The following CNTNAP2 variants were observed in gnomAD, a reference collection of about 807,000 sequenced individuals.
The protein encoded by CNTNAP2 is contactin associated protein 2.
CNTNAP2 carries 98 observed loss-of-function variants against 155.2 expected under a neutral mutation model. The observed-to-expected ratio is 0.63, with a 90% confidence interval of 0.54 to 0.75. The LOEUF is 0.75. Among genes scored for constraint, CNTNAP2 ranks in the 30% least tolerant of loss-of-function variants. The pLI is 0.00. For missense variants in CNTNAP2, 1,727 were observed against 1,688.1 expected (o/e 1.02, Z -0.40); for synonymous variants, 651 against 631.2 (o/e 1.03, Z -0.47).
chr7:147,246,330 A>G (rs1804067781), intron 8 of CNTNAP2, among the ~76,000 whole-genome samples: 1 of 151,424 alleles, frequency 6.6e-6, no homozygotes, highest in South Asian at 2.1e-4. Flanking sequence ...GATTGGATGA[A>G]CTCTCCTCCC....
chr7:147,291,301 C>T (rs1203626825), intron 8 of CNTNAP2, among the ~76,000 whole-genome samples: 1 of 152,094 alleles, frequency 6.6e-6, no homozygotes, highest in African/African-American at 2.4e-5. Context: ...GGTATTTGTC[C>T]TAATGCTCTC....
At chr7:146,633,525 T>C (rs1481188217) in intron 1 of CNTNAP2, among the ~76,000 whole-genome samples, 6 of 152,130 alleles carry the variant, frequency 3.9e-5, no homozygotes, top group Non-Finnish European at 5.9e-5. Flanking sequence ...CATGACATCA[T>C]TTCATAATAA....
intron 10 of CNTNAP2, among the ~76,000 whole-genome samples, chr7:147,479,071 T>A (rs1473129500): frequency 6.6e-6 from 1 of 152,170 alleles, no homozygotes; most frequent in Non-Finnish European, 1.5e-5. Flanking sequence ...TGTGCAGACT[T>A]TCTTCTCTAG....
Position 146,556,958 on chromosome 7 carries a change from T to C in CNTNAP2, c.98-217313T>C, listed in dbSNP as rs184725078. Among the ~76,000 whole-genome samples, 362 of 152,242 alleles carry C rather than the reference T, an allele frequency of 2.4e-3. 2 individuals carry two copies. Among genetic ancestry groups the C allele is most frequent in the African/African-American group, 8.1e-3 (336 of 41,490 alleles). The stretch of plus-strand genomic sequence containing the variant: ...CCAGGTTCTTTTCAGATTATTCTGG[T>C]TGATTAAACACACAGAGAAATAACC... On this transcript the variant is annotated intron_variant, in intron 1 of 23. Coordinates refer to ENST00000361727, the MANE Select transcript of CNTNAP2 (RefSeq NM_014141.6).
At chr7:147,272,165 T>C (rs754673593) in intron 8 of CNTNAP2, among the ~76,000 whole-genome samples, 5 of 152,146 alleles carry the variant, frequency 3.3e-5, no homozygotes, top group Non-Finnish European at 4.4e-5. Context: ...AGTGCTAGAA[T>C]TACAGGCATA....
intron 1 of CNTNAP2, among the ~76,000 whole-genome samples, chr7:146,256,648 A>G (rs1229394819): frequency 6.6e-6 from 1 of 152,024 alleles, no homozygotes; most frequent in Admixed American, 6.6e-5. Context: ...ATAAGAAAAT[A>G]TGAGAAAATA....
In CNTNAP2 at chr7:147,555,245, G is replaced by A. The variant is rs1325307331; in HGVS notation, c.1778-6893G>A. ...TTAAAAAGGGAGCAGAATAAGGAGG[G>A]CCCCAGAGACCATCCTACACTGAAC... On this transcript the variant is annotated intron_variant, in intron 11 of 23. Transcript: ENST00000361727. Among the ~76,000 whole-genome samples the A allele has an allele frequency of 2.0e-5, 3 of 152,096 alleles. No individual in the cohort carries two copies. The East Asian group carries it at 5.8e-4, about 29-fold the overall frequency.
chr7:147,861,212 T>C (rs1279663510), intron 13 of CNTNAP2, among the ~76,000 whole-genome samples: 1 of 152,166 alleles, frequency 6.6e-6, no homozygotes, highest in Non-Finnish European at 1.5e-5. Flanking sequence ...ACAAATATGG[T>C]CCCTTGGAAC....
intron 1 of CNTNAP2, among the ~76,000 whole-genome samples, chr7:146,361,018 C>G (rs1484267596): frequency 6.6e-6 from 1 of 152,118 alleles, no homozygotes; most frequent in East Asian, 1.9e-4. Flanking sequence ...TTAAGAACAG[C>G]TTAGTACCCT....
chr7:147,317,357 A>C (rs1795250367), intron 9 of CNTNAP2, among the ~76,000 whole-genome samples: 1 of 152,192 alleles, frequency 6.6e-6, no homozygotes, highest in Admixed American at 6.5e-5. Flanking sequence ...TTATTTGTTT[A>C]GCAATGCAAA....
intron 1 of CNTNAP2, among the ~76,000 whole-genome samples, chr7:146,229,519 T>C (rs1799349281): frequency 6.6e-6 from 1 of 152,160 alleles, no homozygotes; most frequent in Admixed American, 6.6e-5. Flanking sequence ...AGCAGTGATG[T>C]AGCCTAGGTT....
intron 2 of CNTNAP2, among the ~76,000 whole-genome samples, chr7:146,830,763 G>A (rs1803494304): frequency 6.6e-6 from 1 of 152,004 alleles, no homozygotes; most frequent in Non-Finnish European, 1.5e-5. Context: ...ATCCTATTAG[G>A]TTTCTTTTCC....
At chr7:146,391,289 T>C (rs1265498549) in intron 1 of CNTNAP2, among the ~76,000 whole-genome samples, 1 of 151,900 alleles carries the variant, frequency 6.6e-6, no homozygotes, top group East Asian at 1.9e-4. Context: ...CCTACTGTGA[T>C]TCTGTTGGAA....
At chr7:147,606,778 A>C (rs1801074420) in intron 12 of CNTNAP2, among the ~76,000 whole-genome samples, 1 of 152,214 alleles carries the variant, frequency 6.6e-6, no homozygotes, top group South Asian at 2.1e-4. Flanking sequence ...TTGGCCTTGC[A>C]TTGCGGTTTT....
intron 1 of CNTNAP2, among the ~76,000 whole-genome samples, chr7:146,434,862 A>G (rs1371320295): frequency 1.3e-5 from 2 of 152,196 alleles, no homozygotes; most frequent in African/African-American, 2.4e-5. Context: ...GTGGATTGCA[A>G]TAGGATTTAT....
chr7:146,936,320 A>G (rs142560284), intron 3 of CNTNAP2, among the ~76,000 whole-genome samples: 245 of 152,322 alleles, frequency 1.6e-3, no homozygotes, highest in African/African-American at 5.6e-3. Context: ...GGAAACACAT[A>G]GATCCTAGAA....
At chr7:146,933,522 G>T (rs1201931600) in intron 3 of CNTNAP2, among the ~76,000 whole-genome samples, 6 of 150,720 alleles carry the variant, frequency 4.0e-5, no homozygotes, top group Non-Finnish European at 8.9e-5. Context: ...CAGGACATAG[G>T]CATGGGCAAG....
At chr7:146,117,734 C>T (rs966212371) in intron 1 of CNTNAP2, among the ~76,000 whole-genome samples, 1 of 151,884 alleles carries the variant, frequency 6.6e-6, no homozygotes, top group Non-Finnish European at 1.5e-5. Context: ...AAGACTGCCC[C>T]TGTTTTCATG....
chr7:147,748,727 G>C (rs754234007), intron 13 of CNTNAP2, among the ~76,000 whole-genome samples: 22 of 152,304 alleles, frequency 1.4e-4, no homozygotes, highest in Middle Eastern at 6.8e-3. Flanking sequence ...AAAGGGCTCT[G>C]ATGGGCCCAT....
Sources: allele counts gnomAD v4.1 joint callset (sites outside exome capture counted in the v4.1 genomes callset), GRCh38; gene constraint gnomAD v4.1.1; transcripts MANE v1.5; gene names NCBI Gene and HGNC (gene_info 2026-07-23, HGNC 2026-07-21).